The following PTPDC1 variants were observed in gnomAD, a reference collection of about 807,000 sequenced individuals.
The protein encoded by PTPDC1 is protein tyrosine phosphatase domain-containing protein 1.
In PTPDC1, 53 loss-of-function variants were observed where a neutral mutation model predicts 75.3. The ratio of observed to expected loss-of-function variants is 0.70; its 90% CI spans 0.56 to 0.88. PTPDC1 has a LOEUF of 0.88. Among genes scored for constraint, PTPDC1 ranks in the 40% least tolerant of loss-of-function variants. The pLI is 0.00. For missense variants in PTPDC1, 925 were observed against 998.6 expected, an observed-to-expected ratio of 0.93 and a Z score of 0.99; for synonymous variants, 349 against 366.2, an observed-to-expected ratio of 0.95 and a Z score of 0.54.
rs187243870 is a variant in PTPDC1, at chr9:94,099,796, G to A, written c.2013+1217G>A. On this transcript the variant is annotated intron_variant, in intron 6 of 8. Coordinates refer to ENST00000620992, the MANE Select transcript of PTPDC1 (RefSeq NM_001253829.2). ...CACCCCCACTCCTGGGTCAGCCCCA[G>A]TGCCCATGCAAGCTCTGCTGTGGTG... Among the ~76,000 whole-genome samples, 22 of 152,328 alleles carry A rather than the reference G, an allele frequency of 1.4e-4. No homozygotes were observed. The East Asian group carries it at 3.9e-3, about 27-fold the overall frequency.
chr9:94,035,347 T>A (rs1825233907), intron 1 of PTPDC1, among the ~76,000 whole-genome samples: 1 of 152,242 alleles, frequency 6.6e-6, no homozygotes, highest in African/African-American at 2.4e-5. Context: ...TGTCAGCTTC[T>A]GGTAACCACC....
chr9:94,053,355 G>GA (rs34224997), intron 1 of PTPDC1, among the ~76,000 whole-genome samples: 48 of 148,238 alleles, frequency 3.2e-4, no homozygotes, highest in African/African-American at 1.0e-3. Flanking sequence ...GGGTGATTTG[G>GA]AAAAAAAAAG....
intron 2 of PTPDC1, among the ~76,000 whole-genome samples, chr9:94,086,482 T>C (rs2117980960): frequency 6.6e-6 from 1 of 152,358 alleles, no homozygotes; most frequent in East Asian, 1.9e-4. Flanking sequence ...ATATGCCTTC[T>C]TTCAGAGGGA....
At chr9:94,107,370 G>A (rs915426228) in intron 8 of PTPDC1, among the ~76,000 whole-genome samples, 1 of 152,188 alleles carries the variant, frequency 6.6e-6, no homozygotes, top group African/African-American at 2.4e-5. Flanking sequence ...AGAGAGGTTG[G>A]GTATGAGATG....
upstream of PTPDC1, among the ~76,000 whole-genome samples, chr9:94,082,757 G>A (rs943729279): frequency 2.6e-5 from 4 of 152,074 alleles, no homozygotes; most frequent in Admixed American, 6.5e-5. Flanking sequence ...CTGACTGTAC[G>A]GTAACTGGGG....
intron 4 of PTPDC1, among the ~76,000 whole-genome samples, chr9:94,094,568 A>G (rs1366258405): frequency 6.6e-6 from 1 of 152,136 alleles, no homozygotes. Flanking sequence ...GAGCCTATAG[A>G]GGCAGGCAGG....
chr9:94,033,814 A>G (rs924475685), intron 1 of PTPDC1, among the ~76,000 whole-genome samples: 1 of 152,344 alleles, frequency 6.6e-6, no homozygotes, highest in Non-Finnish European at 1.5e-5. Flanking sequence ...AAAAAAATTC[A>G]TAAAAAAAAT....
intron 2 of PTPDC1, among the ~76,000 whole-genome samples, chr9:94,073,938 T>C (rs1826594863): frequency 1.3e-5 from 2 of 152,194 alleles, no homozygotes. Context: ...GATTTCATTG[T>C]GGGCAGAGAA....
At chr9:94,071,001 T>A (rs1826496919) in intron 2 of PTPDC1, among the ~76,000 whole-genome samples, 1 of 152,138 alleles carries the variant, frequency 6.6e-6, no homozygotes, top group Non-Finnish European at 1.5e-5. Flanking sequence ...TGTGTGTAGA[T>A]GGGTTTTTAT....
intron 1 of PTPDC1, among the ~76,000 whole-genome samples, chr9:94,057,981 G>A (rs142214732): frequency 6.6e-6 from 1 of 152,150 alleles, no homozygotes; most frequent in Non-Finnish European, 1.5e-5. Flanking sequence ...AATATCTTTT[G>A]GATTTTGGAA....
intron 1 of PTPDC1, among the ~76,000 whole-genome samples, chr9:94,057,531 A>G (rs1212620434): frequency 6.6e-6 from 1 of 152,206 alleles, no homozygotes; most frequent in Non-Finnish European, 1.5e-5. Flanking sequence ...TAAGATAACA[A>G]ATATTTATTG....
At chr9:94,092,531 G>A (rs1166259965) in intron 4 of PTPDC1, among the ~76,000 whole-genome samples, 1 of 150,454 alleles carries the variant, frequency 6.6e-6, no homozygotes, top group Non-Finnish European at 1.5e-5. Context: ...GAATAGGTGT[G>A]GTGTGGTGCT....
chr9:94,064,722 T>G (rs1826244594), intron 1 of PTPDC1: 2 of 1,605,226 alleles, frequency 1.2e-6, no homozygotes, highest in Non-Finnish European at 1.7e-6. Flanking sequence ...AAAATAATTT[T>G]TTTTCCAACA....
rs149445117 is a variant in PTPDC1 at position 94,051,596 on chromosome 9, C to G, written c.-6-13138C>G. Among the ~76,000 whole-genome samples, 370 of 152,150 alleles carry G rather than the reference C, an allele frequency of 2.4e-3. 1 individual carries two copies. Among genetic ancestry groups the G allele is most frequent in the Non-Finnish European group, 4.3e-3 (289 of 67,976 alleles). On this transcript the variant is annotated intron_variant, in intron 1 of 9. Transcript: ENST00000375360. ...TGAAACCATCTGAGTCTGTTGTTTT[C>G]CTTTTTGGGAAAGTTTCTTTTCTAA...
At chr9:94,041,818 A>C (rs985518545) in intron 1 of PTPDC1, among the ~76,000 whole-genome samples, 3 of 152,106 alleles carry the variant, frequency 2.0e-5, no homozygotes, top group Non-Finnish European at 4.4e-5. Flanking sequence ...ATTTCAACCA[A>C]GGATCCCTGG....
chr9:94,063,074 AGGGAAAGCT>A (rs1826191053), intron 1 of PTPDC1, among the ~76,000 whole-genome samples: 1 of 152,224 alleles, frequency 6.6e-6, no homozygotes, highest in Non-Finnish European at 1.5e-5. Context: ...GAGTGAGGGC[AGGGAAAGCT>A]TCACAAAAAA....
At chr9:94,071,893 T>A (rs962294597) in intron 2 of PTPDC1, among the ~76,000 whole-genome samples, 3 of 152,180 alleles carry the variant, frequency 2.0e-5, no homozygotes, top group African/African-American at 2.4e-5. Flanking sequence ...TTTTTATATC[T>A]TTGATTTATT....
Position 94,107,913 on chromosome 9 carries a change from T to G in PTPDC1, c.2396T>G (p.Met799Arg). ...CACACGCTGGAAGAAAAAAGAAAAA[T>G]GACAAAAGATGGCCCTAAGCCTGGC... The part of the protein sequence containing the change: ...FKHTLEEKRK[M>R]TKDGPKPGL The change falls in exon 9 of 9, where the codon ATG (methionine) becomes AGG (arginine). Residue 799 changes from methionine (M) to arginine (R), a missense_variant. Physicochemically the swap from Met to Arg is moderately conservative, Grantham distance 91. Coordinates refer to ENST00000620992, the MANE Select transcript of PTPDC1 (RefSeq NM_001253829.2). 1 of 1,605,708 alleles carries G rather than the reference T, an allele frequency of 6.2e-7. No homozygotes were observed. Among genetic ancestry groups the G allele is most frequent in the South Asian group, 1.1e-5 (1 of 89,928 alleles).
At chr9:94,086,859 C>T (rs1280618944) in intron 2 of PTPDC1, among the ~76,000 whole-genome samples, 1 of 152,170 alleles carries the variant, frequency 6.6e-6, no homozygotes, top group Non-Finnish European at 1.5e-5. Flanking sequence ...GTAGAAGAGC[C>T]AGCATTTGAA....
Sources: gnomAD v4.1 joint callset for allele counts (sites outside exome capture counted in the v4.1 genomes callset) on GRCh38, gnomAD v4.1.1 for gene constraint, MANE v1.5 for transcripts, NCBI Gene and HGNC (gene_info 2026-07-23, HGNC 2026-07-21) for gene names.